Variants in GFRA2 observed in about 807,000 individuals in gnomAD.
The protein encoded by GFRA2 is GDNF family receptor alpha-2.
Under a neutral mutation model 48.3 loss-of-function variants are expected in GFRA2, and 17 were observed. The ratio of observed to expected loss-of-function variants is 0.35; its 90% CI spans 0.24 to 0.53. The LOEUF (loss-of-function observed/expected upper bound fraction) is 0.53, where lower values mean the gene tolerates loss of function less well. GFRA2 is among the 20% of genes least tolerant of loss of function. The probability of loss-of-function intolerance (pLI) is 0.93; values close to 1 mark genes in which losing one functional copy is unlikely to be tolerated. For synonymous variants in GFRA2, 305 were observed against 257.2 expected (o/e 1.19, Z -1.78); for missense variants, 660 against 637.3 (o/e 1.04, Z -0.38).
At chr8:21,720,176 G>A (rs1227431951) in intron 4 of GFRA2, among the ~76,000 whole-genome samples, 1 of 152,176 alleles carries the variant, frequency 6.6e-6, no homozygotes, top group African/African-American at 2.4e-5. Context: ...ATAACGTATG[G>A]AGAAAAGTCA....
intron 4 of GFRA2, among the ~76,000 whole-genome samples, chr8:21,716,657 C>T (rs1321918354): frequency 2.6e-5 from 4 of 152,222 alleles, no homozygotes; most frequent in African/African-American, 9.6e-5. Flanking sequence ...CTTATCATGC[C>T]ACAGCCAGAG....
chr8:21,739,109 G>T (rs562709174), intron 4 of GFRA2, among the ~76,000 whole-genome samples: 1 of 152,186 alleles, frequency 6.6e-6, no homozygotes, highest in African/African-American at 2.4e-5. Context: ...TGCTCCGAAG[G>T]GTTCCTCCTG....
At chr8:21,789,885 G>A (rs971704712), upstream of GFRA2, among the ~76,000 whole-genome samples, 12 of 152,130 alleles carry the variant, frequency 7.9e-5, no homozygotes, top group Non-Finnish European at 1.3e-4. Context: ...ATCGGGCAGG[G>A]GCTCGCACCC....
At chr8:21,731,650 C>CGGCT (rs1268400288) in intron 4 of GFRA2, among the ~76,000 whole-genome samples, 2 of 152,114 alleles carry the variant, frequency 1.3e-5, no homozygotes, top group African/African-American at 4.8e-5. Context: ...TAAAGTCTAA[C>CGGCT]GGCTCCTCGT....
At position 21,714,278 on chromosome 8, in the gene GFRA2, G is replaced by C. The variant is rs566726065; in HGVS notation, c.795-8237C>G. Among the ~76,000 whole-genome samples, 10 of 62,194 alleles carry C rather than the reference G, an allele frequency of 1.6e-4. No homozygotes were observed. In the South Asian group the frequency reaches 4.9e-3, roughly 30 times the overall value. The allele number at this position is 62,194 out of a possible 152,430, so 40.8% of individuals were successfully genotyped here. On this transcript the variant is annotated intron_variant, in intron 4 of 8. Transcript: ENST00000524240. ...TTTTTTTTTTTTTTTTTGAGACAGG[G>C]TCTCACTCTGTCGCCAAGGCTGGGC...
chr8:21,743,549 G>A (rs34284507), intron 4 of GFRA2, among the ~76,000 whole-genome samples: 28,445 of 152,168 alleles, frequency 0.19, 3,949 homozygotes, highest in African/African-American at 0.39. Context: ...TCTAAGTGCC[G>A]CAAGGACAAG....
intron 3 of GFRA2, among the ~76,000 whole-genome samples, chr8:21,751,804 T>C (rs1032421929): frequency 2.0e-5 from 3 of 152,142 alleles, no homozygotes; most frequent in African/African-American, 4.8e-5. Flanking sequence ...CCATTAAAGA[T>C]TGATCAGGTC....
rs1226319764 is a variant in GFRA2, at chr8:21,704,843, G to C, written c.1045+142C>G. The C allele has an allele frequency of 5.8e-6, 4 of 687,636 alleles. No homozygotes were observed. In the East Asian group the frequency reaches 1.1e-4, roughly 19 times the overall value. 42.6% of individuals were successfully genotyped at this position (687,636 alleles called of 1,614,324 possible). ...GAATCTCCAAAAGCTCAAAACCCAA[G>C]GTCCCCACGGGCAACACCCATGGCG... On this transcript the variant is annotated intron_variant, in intron 6 of 8. Coordinates refer to ENST00000524240, the MANE Select transcript of GFRA2 (RefSeq NM_001495.5).
At chr8:21,764,094 C>T (rs1806041379) in intron 3 of GFRA2, among the ~76,000 whole-genome samples, 1 of 152,120 alleles carries the variant, frequency 6.6e-6, no homozygotes, top group Non-Finnish European at 1.5e-5. Flanking sequence ...CCTGTTTAAG[C>T]TGATTACCTT....
At chr8:21,717,633 G>A (rs62492242) in intron 4 of GFRA2, among the ~76,000 whole-genome samples, 16,776 of 152,124 alleles carry the variant, frequency 0.11, 1,169 homozygotes, top group Non-Finnish European at 0.15. Context: ...AAAATGTTAC[G>A]GGTTCTGGAA....
chr8:21,791,560 C>T (rs1257615055), upstream of GFRA2, among the ~76,000 whole-genome samples: 3 of 152,160 alleles, frequency 2.0e-5, no homozygotes, highest in Non-Finnish European at 2.9e-5. Context: ...TGCCTTGTGC[C>T]GGGATCTACA....
intron 3 of GFRA2, among the ~76,000 whole-genome samples, chr8:21,766,427 CTCGAACA>C (rs1806153918): frequency 6.6e-6 from 1 of 151,996 alleles, no homozygotes; most frequent in Non-Finnish European, 1.5e-5. Flanking sequence ...TCCTCAGCAC[CTCGAACA>C]AGGCATGGCC....
At chr8:21,745,886 C>T (rs1804980770) in intron 4 of GFRA2, among the ~76,000 whole-genome samples, 1 of 152,198 alleles carries the variant, frequency 6.6e-6, no homozygotes, top group Admixed American at 6.5e-5. Context: ...ACACCATCCA[C>T]CCTGATGAGG....
chr8:21,773,586 G>A (rs1220018977), intron 3 of GFRA2, among the ~76,000 whole-genome samples: 6 of 152,212 alleles, frequency 3.9e-5, no homozygotes, highest in African/African-American at 1.4e-4. Flanking sequence ...ATCTTACAAT[G>A]GTTTATGGTC....
intron 4 of GFRA2, among the ~76,000 whole-genome samples, chr8:21,718,355 G>C (rs544520588): frequency 1.8e-4 from 27 of 152,322 alleles, no homozygotes; most frequent in African/African-American, 5.8e-4. Context: ...CAGCCATATG[G>C]AACCGTAAGT....
At position 21,797,567 on chromosome 8, in the gene GFRA2, C is replaced by T. The variant is rs1318583179; in HGVS notation, c.-36+7450G>A. On this transcript the variant is annotated intron_variant, in intron 2 of 10. Transcript: ENST00000517328. Reference sequence around the variant, plus strand: ...TCACAGTGGTCACCTATGTTTACATCATCTCCACCATTCTGAAGATACCCT... The same window carrying T: ...TCACAGTGGTCACCTATGTTTACATTATCTCCACCATTCTGAAGATACCCT... 6.6e-5 allele frequency: 10 copies of T among 152,314 alleles called. No individual in the cohort carries two copies. The South Asian group carries it at 1.0e-3, about 16-fold the overall frequency. The allele number at this position is 152,314 out of a possible 1,614,324, so 9.4% of individuals were successfully genotyped here.
chr8:21,776,541 C>T (rs1202009584), intron 2 of GFRA2, among the ~76,000 whole-genome samples: 1 of 151,058 alleles, frequency 6.6e-6, no homozygotes, highest in African/African-American at 2.4e-5. Flanking sequence ...GATCTTGGCT[C>T]ACTGCTGCAA....
At chr8:21,762,123 C>T (rs1226714939) in intron 3 of GFRA2, among the ~76,000 whole-genome samples, 1 of 152,132 alleles carries the variant, frequency 6.6e-6, no homozygotes, top group Non-Finnish European at 1.5e-5. Context: ...CCCAGTCTTC[C>T]CTTCCATAAG....
rs1563247405 is a variant in GFRA2 at position 21,752,166 on chromosome 8, A to G, written c.440-1224T>C. Among the ~76,000 whole-genome samples, 5 of 151,490 alleles carry G rather than the reference A, an allele frequency of 3.3e-5. No homozygotes were observed. The East Asian group carries it at 9.7e-4, about 30-fold the overall frequency. On this transcript the variant is annotated intron_variant, in intron 3 of 8. Transcript: ENST00000524240. ...GACCATTCCCATCAGCTATTACATCACCCATCTTCAATTAAAAAAAGACCT... is the reference window on the plus strand; with the variant it reads ...GACCATTCCCATCAGCTATTACATCGCCCATCTTCAATTAAAAAAAGACCT...
Sources: gnomAD v4.1 joint callset for allele counts (sites outside exome capture counted in the v4.1 genomes callset) on GRCh38, gnomAD v4.1.1 for gene constraint, MANE v1.5 for transcripts, NCBI Gene and HGNC (gene_info 2026-07-23, HGNC 2026-07-21) for gene names.